DEPDC5: variants seen among roughly 807,000 people sequenced by gnomAD.
DEPDC5 encodes the protein GATOR1 complex protein DEPDC5.
Under a neutral mutation model 217.3 loss-of-function variants are expected in DEPDC5, and 73 were observed. The observed-to-expected ratio is 0.34, with a 90% CI of 0.28 to 0.41. The LOEUF (loss-of-function observed/expected upper bound fraction) is 0.41. DEPDC5 is among the 10% of genes least tolerant of loss of function. DEPDC5 has a pLI of 1.00. For missense variants in DEPDC5, 1,675 were observed against 2,070.1 expected (o/e 0.81, Z 3.70); for synonymous variants, 733 against 756.7 (o/e 0.97, Z 0.51).
At chr22:31,799,056 T>C (rs1048640394) in intron 14 of DEPDC5, among the ~76,000 whole-genome samples, 6 of 151,542 alleles carry the variant, frequency 4.0e-5, no homozygotes, top group South Asian at 2.1e-4. Context: ...TTTTTTTTTT[T>C]TTTTTTGAGA....
chr22:31,868,369 A>G (rs999735495), intron 33 of DEPDC5, among the ~76,000 whole-genome samples: 1 of 152,004 alleles, frequency 6.6e-6, no homozygotes, highest in Admixed American at 6.6e-5. Context: ...GCAAACAGTT[A>G]TCTGACCCCA....
chr22:31,754,751 G>A (rs2075174338), intron 1 of DEPDC5, 111 bp from the exon 2 acceptor site: 1 of 668,630 alleles, frequency 1.5e-6, no homozygotes, highest in Non-Finnish European at 2.6e-6. Context: ...AGAGTCACTT[G>A]GCACCACTTC....
intron 20 of DEPDC5, among the ~76,000 whole-genome samples, chr22:31,811,612 C>T (rs1449607279): frequency 6.6e-6 from 1 of 151,124 alleles, no homozygotes; most frequent in African/African-American, 2.4e-5. Flanking sequence ...TGCAGTGTCA[C>T]GTTGACAGCT....
At position 31,813,030 on chromosome 22, in the gene DEPDC5, G is replaced by A. The variant is rs1352753725; in HGVS notation, c.1446-1962G>A. 3.3e-5 allele frequency among the ~76,000 whole-genome samples: 5 copies of A among 152,126 alleles called. No homozygotes were observed. In the East Asian group the frequency reaches 9.6e-4, roughly 29 times the overall value. On this transcript the variant is annotated intron_variant, in intron 20 of 42. Transcript: ENST00000651528. ...GCTAGGATTATAGGTGTGAGCCACT[G>A]CCCCCGCCAGATTTCTTAACTCTGT... is the stretch of plus-strand genomic sequence containing the variant.
At chr22:31,755,041 C>T (rs1180008119) in intron 2 of DEPDC5, 62 bp downstream of exon 2, 1 of 1,577,490 alleles carries the variant, frequency 6.3e-7, no homozygotes, top group Non-Finnish European at 8.7e-7. Context: ...GTGTGCAATA[C>T]CTAGAAATTA....
At chr22:31,755,682 T>G (rs2075266762) in intron 2 of DEPDC5, among the ~76,000 whole-genome samples, 1 of 152,048 alleles carries the variant, frequency 6.6e-6, no homozygotes, top group Non-Finnish European at 1.5e-5. Flanking sequence ...ATAGTTGGGA[T>G]TACAGGCGTG....
chr22:31,905,897 G>A, intron 41 of DEPDC5, 87 bp from the exon 42 acceptor site: 2 of 1,181,256 alleles, frequency 1.7e-6, no homozygotes, highest in Middle Eastern at 2.0e-4. Context: ...GTCTCAGGCT[G>A]TCCGAGAGTC....
chr22:31,809,528 G>C, intron 18 of DEPDC5, 83 bp from the exon 19 acceptor site: 1 of 1,458,874 alleles, frequency 6.9e-7, no homozygotes, highest in Non-Finnish European at 9.6e-7. Flanking sequence ...TCTTCCCTGG[G>C]AGCAGCACAT....
intron 31 of DEPDC5, chr22:31,853,453 A>G (rs2092133903): frequency 6.6e-6 from 1 of 152,228 alleles, no homozygotes; most frequent in Admixed American, 6.5e-5. Flanking sequence ...CCAGACATTT[A>G]TATAACATTT....
chr22:31,810,510 G>T lies in DEPDC5; in HGVS notation c.1325-11G>T. 3 of 1,613,930 alleles carry T rather than the reference G, an allele frequency of 1.9e-6. No homozygotes were observed. Among genetic ancestry groups the T allele is most frequent in the Non-Finnish European group, 1.7e-6 (2 of 1,179,978 alleles). On this transcript the variant is annotated splice_polypyrimidine_tract_variant and intron_variant, in intron 19 of 42. Coordinates refer to ENST00000651528, the MANE Select transcript of DEPDC5 (RefSeq NM_001242896.3). The stretch of plus-strand genomic sequence containing the variant: ...TATTTGATGACAATTTATATTATTT[G>T]TGTATTTCAGCTCTCGGGAGTCCAA...
chr22:31,851,177 T>C (rs769296450), intron 31 of DEPDC5, among the ~76,000 whole-genome samples: 2 of 152,102 alleles, frequency 1.3e-5, no homozygotes, highest in Non-Finnish European at 2.9e-5. Flanking sequence ...GGTTTCACAC[T>C]CTGGTCTTAA....
At chr22:31,790,735 C>CTT (rs1173389043) in intron 10 of DEPDC5, among the ~76,000 whole-genome samples, 2 of 143,898 alleles carry the variant, frequency 1.4e-5, no homozygotes, top group Admixed American at 7.0e-5. Flanking sequence ...CCCTATCTCT[C>CTT]TTTTTTTTTT....
rs189731203 is a variant in DEPDC5, at chr22:31,796,896, C to T, written c.768-704C>T. Among the ~76,000 whole-genome samples, 795 of 152,076 alleles carry T rather than the reference C, an allele frequency of 5.2e-3. 6 individuals carry two copies. The highest frequency in any genetic ancestry group is 7.4e-3 in the Non-Finnish European group (501 of 68,000). On this transcript the variant is annotated intron_variant, in intron 12 of 42. Transcript: ENST00000651528. ...ATTTTTAGTAGAGATGGGGTTTCAC[C>T]GTGTTGGCCAGGCTGGTCTTGAACT...
chr22:31,905,473 C>G (rs80133139), intron 41 of DEPDC5, among the ~76,000 whole-genome samples: 1 of 151,652 alleles, frequency 6.6e-6, no homozygotes, highest in African/African-American at 2.4e-5. Flanking sequence ...GCGAGATTCC[C>G]TCTCACCAAA....
intron 31 of DEPDC5, 87 bp from the exon 32 acceptor site, chr22:31,857,358 A>G: frequency 9.1e-7 from 1 of 1,101,360 alleles, no homozygotes; most frequent in African/African-American, 1.6e-5. Context: ...AGATGACAGC[A>G]ACAGAGCTGT....
At chr22:31,785,010 CTAA>C in intron 10 of DEPDC5, 135 bp downstream of exon 10, 1 of 650,444 alleles carries the variant, frequency 1.5e-6, no homozygotes, top group Non-Finnish European at 2.6e-6. Flanking sequence ...TTAAATTACC[CTAA>C]TAATCTCAAT....
At chr22:31,802,078 G>C (rs1039235268) in intron 14 of DEPDC5, among the ~76,000 whole-genome samples, 4 of 142,052 alleles carry the variant, frequency 2.8e-5, no homozygotes, top group Non-Finnish European at 4.5e-5. Context: ...TATAATCAAA[G>C]TTTTACTACA....
intron 7 of DEPDC5, among the ~76,000 whole-genome samples, chr22:31,771,114 C>A (rs1468188381): frequency 6.6e-6 from 1 of 152,128 alleles, no homozygotes; most frequent in African/African-American, 2.4e-5. Context: ...TGGTTTCATC[C>A]ATTGAGGATT....
chr22:31,878,964 T>A (rs899561944), intron 37 of DEPDC5, among the ~76,000 whole-genome samples: 1 of 146,586 alleles, frequency 6.8e-6, no homozygotes, highest in Non-Finnish European at 1.5e-5. Flanking sequence ...GAGGCAGAGG[T>A]TGCAGTAAGC....
Sources: gnomAD v4.1 joint callset for allele counts (sites outside exome capture counted in the v4.1 genomes callset) on GRCh38, gnomAD v4.1.1 for gene constraint, MANE v1.5 for transcripts, NCBI Gene and HGNC (gene_info 2026-07-23, HGNC 2026-07-21) for gene names.